DUSP13B: variants seen among roughly 807,000 people sequenced by gnomAD.
DUSP13B encodes the protein dual specificity phosphatase 13B.
At chr10:75,095,117 G>A in the DUSP13B span, among the ~76,000 whole-genome samples, 40 of 152,202 alleles carry the variant, frequency 2.6e-4, no homozygotes, top group Non-Finnish European at 5.4e-4. Context: ...TGCTTCCTCA[G>A]GCATCCTTTG....
At chr10:75,108,378 G>A in the DUSP13B span, 5 of 1,280,182 alleles carry the variant, frequency 3.9e-6, no homozygotes, top group Non-Finnish European at 2.1e-6. Flanking sequence ...CCAGAGCCCC[G>A]CACTTTCTGG....
chr10:75,098,967 C>T, the DUSP13B span: 1 of 1,231,820 alleles, frequency 8.1e-7, no homozygotes. Context: ...CATCTGCTTC[C>T]TCAAGGGAGC....
the DUSP13B span, among the ~76,000 whole-genome samples, chr10:75,100,760 G>A: frequency 6.6e-6 from 1 of 152,220 alleles, no homozygotes; most frequent in Admixed American, 6.5e-5. Flanking sequence ...CTGTTTGCAA[G>A]TCCATGCACT....
the DUSP13B span, chr10:75,105,781 A>G: frequency 1.3e-6 from 2 of 1,551,344 alleles, no homozygotes; most frequent in Non-Finnish European, 1.7e-6. Flanking sequence ...CGCCTGGCGC[A>G]GGGACAGCCG....
the DUSP13B span, chr10:75,105,673 C>T: frequency 1.3e-6 from 2 of 1,548,896 alleles, no homozygotes; most frequent in Non-Finnish European, 1.7e-6. Flanking sequence ...GGCCCCTCAG[C>T]TCTGGCCGGC....
At chr10:75,095,711 G>C in the DUSP13B span, 28 of 1,614,104 alleles carry the variant, frequency 1.7e-5, no homozygotes, top group Non-Finnish European at 2.4e-5. Context: ...TGGCACCTGT[G>C]TCCACCTGGA....
At chr10:75,097,035 G>A in the DUSP13B span, among the ~76,000 whole-genome samples, 11 of 152,054 alleles carry the variant, frequency 7.2e-5, no homozygotes, top group African/African-American at 1.2e-4. Context: ...AGATATATAG[G>A]TGGTAAAACT....
the DUSP13B span, chr10:75,099,283 G>A: frequency 1.1e-4 from 135 of 1,232,210 alleles, 1 homozygote; most frequent in Non-Finnish European, 1.3e-4. Flanking sequence ...GCCAGGACCA[G>A]AAAAAGAAAC....
the DUSP13B span, chr10:75,099,574 G>A: frequency 8.1e-6 from 10 of 1,231,188 alleles, no homozygotes; most frequent in East Asian, 3.2e-5. Flanking sequence ...GCGCCCATGG[G>A]GGGTGGGGCC....
At chr10:75,105,626 C>A in the DUSP13B span, 1 of 1,539,154 alleles carries the variant, frequency 6.5e-7, no homozygotes, top group Non-Finnish European at 8.8e-7. Flanking sequence ...CCTCTTCCGG[C>A]CAACCACATC....
chr10:75,106,010 C>T, the DUSP13B span: 8 of 733,392 alleles, frequency 1.1e-5, no homozygotes, highest in African/African-American at 1.8e-5. Context: ...TTATGGACCT[C>T]AGTTTCCTGA....
chr10:75,104,821 G>C, the DUSP13B span, among the ~76,000 whole-genome samples: 1 of 152,044 alleles, frequency 6.6e-6, no homozygotes, highest in Non-Finnish European at 1.5e-5. Context: ...GGAAGGGGTC[G>C]ATGCTGCTGA....
the DUSP13B span, among the ~76,000 whole-genome samples, chr10:75,100,868 C>T: frequency 6.6e-6 from 1 of 152,274 alleles, no homozygotes; most frequent in Non-Finnish European, 1.5e-5. Context: ...TGCAGCCTCC[C>T]ATGACGCTGC....
the DUSP13B span, chr10:75,105,822 C>T: frequency 1.2e-5 from 19 of 1,550,666 alleles, no homozygotes; most frequent in African/African-American, 9.6e-5. Context: ...CCAGGACCAG[C>T]GTGGCAGAGC....
At chr10:75,096,640 T>C in the DUSP13B span, among the ~76,000 whole-genome samples, 7 of 151,688 alleles carry the variant, frequency 4.6e-5, no homozygotes, top group Admixed American at 3.9e-4. Flanking sequence ...TCCCAGCTAC[T>C]TGAGAGGCTG....
the DUSP13B span, among the ~76,000 whole-genome samples, chr10:75,108,835 C>A: frequency 6.6e-6 from 1 of 152,210 alleles, no homozygotes; most frequent in Non-Finnish European, 1.5e-5. Context: ...GGTGGCCATA[C>A]CTGGTCACTG....
chr10:75,106,096 C>CTTTTTTTTTTTTT, the DUSP13B span, among the ~76,000 whole-genome samples: 1 of 109,022 alleles, frequency 9.2e-6, no homozygotes, highest in African/African-American at 3.9e-5. Context: ...TCTTTTCTTT[C>CTTTTTTTTTTTTT]TTTTCTTTTT....
At chr10:75,103,595 C>T in the DUSP13B span, among the ~76,000 whole-genome samples, 1 of 152,224 alleles carries the variant, frequency 6.6e-6, no homozygotes, top group Non-Finnish European at 1.5e-5. Flanking sequence ...CTTTGTCATA[C>T]ACACATACCT....
At chr10:75,105,940 A>G in the DUSP13B span, 3 of 1,439,024 alleles carry the variant, frequency 2.1e-6, no homozygotes, top group East Asian at 7.5e-5. Flanking sequence ...TGGGGACCCA[A>G]GTTCCTTTCC....
Sources: gnomAD v4.1 joint callset for allele counts (sites outside exome capture counted in the v4.1 genomes callset) on GRCh38, gnomAD v4.1.1 for gene constraint, MANE v1.5 for transcripts, NCBI Gene and HGNC (gene_info 2026-07-23, HGNC 2026-07-21) for gene names.